MBTPS1: variants seen among roughly 807,000 people sequenced by gnomAD.
The protein encoded by MBTPS1 is membrane bound transcription factor peptidase, site 1, also known as membrane-bound transcription factor site-1 protease.
MBTPS1 carries 94 observed loss-of-function variants against 127.8 expected under a neutral mutation model. The observed-to-expected ratio is 0.74, with a 90% CI of 0.62 to 0.87. The LOEUF (loss-of-function observed/expected upper bound fraction) is 0.87, where lower values mean the gene tolerates loss of function less well. MBTPS1 is among the 40% of genes least tolerant of loss of function. MBTPS1 has a pLI of 0.00. For synonymous variants in MBTPS1, 632 were observed against 509.4 expected, an observed-to-expected ratio of 1.24 and a Z score of -3.24; for missense variants, 1,636 against 1,353.2, an observed-to-expected ratio of 1.21 and a Z score of -3.28.
chr16:84,062,236 T>A (rs566123629), intron 19 of MBTPS1, among the ~76,000 whole-genome samples: 1 of 152,246 alleles, frequency 6.6e-6, no homozygotes, highest in South Asian at 2.1e-4. Flanking sequence ...CTCTCCCACC[T>A]CAGCCTCCCA....
rs537680415 is a variant in MBTPS1 at position 84,097,157 on chromosome 16, G to A, written c.422-1352C>T. Among the ~76,000 whole-genome samples the A allele has an allele frequency of 9.2e-5, 14 of 152,272 alleles. No individual in the cohort carries two copies. The South Asian group carries it at 2.3e-3, about 25-fold the overall frequency. On this transcript the variant is annotated intron_variant, in intron 3 of 22. Coordinates refer to ENST00000343411, the MANE Select transcript of MBTPS1 (RefSeq NM_003791.4). ...CTACTGTCACGCAGAAAACAGATAG[G>A]CTTTGTCTTATGGCCCATGGGATAG...
rs1233895460 is a variant in MBTPS1 at position 84,093,697 on chromosome 16, C to A, written c.736+14G>T. ...CGATCACATGACCACGTTCTCACTG[C>A]TGCTGAGACCCACCATCGTCCAGCG... On this transcript the variant is annotated intron_variant, in intron 5 of 22. Coordinates refer to ENST00000343411, the MANE Select transcript of MBTPS1 (RefSeq NM_003791.4). 1.3e-6 allele frequency: 2 copies of A among 1,575,980 alleles called. No individual in the cohort carries two copies. The highest frequency in any genetic ancestry group is 2.7e-5 in the African/African-American group (2 of 74,192).
At chr16:84,073,159 G>A (rs1200605869) in intron 12 of MBTPS1, among the ~76,000 whole-genome samples, 1 of 152,156 alleles carries the variant, frequency 6.6e-6, no homozygotes, top group African/African-American at 2.4e-5. Context: ...TTTTGAGATG[G>A]AGTGTTGCTC....
intron 22 of MBTPS1, among the ~76,000 whole-genome samples, chr16:84,055,604 C>T (rs1188676292): frequency 6.6e-6 from 1 of 152,190 alleles, no homozygotes; most frequent in Non-Finnish European, 1.5e-5. Flanking sequence ...GCCTTCTGGG[C>T]TGAGGGCTGG....
Position 84,099,161 on chromosome 16 carries a change from G to GA in MBTPS1, c.312dup (p.Gln105SerfsTer14). 2 of 1,614,108 alleles carry GA rather than the reference G, an allele frequency of 1.2e-6. No individual in the cohort carries two copies. The highest frequency in any genetic ancestry group is 1.7e-6 in the Non-Finnish European group (2 of 1,180,024). The stretch of plus-strand genomic sequence containing the variant: ...CCCGCTTTCTGTTTTTCTTTTATCT[G>GA]AATCACCTCAAAATCACTAGGGTAG... On this transcript the variant is annotated frameshift_variant, in exon 3 of 23. Coordinates refer to ENST00000343411, the MANE Select transcript of MBTPS1 (RefSeq NM_003791.4). LOFTEE classifies it high-confidence loss of function.
rs769447040 is a variant in MBTPS1, at chr16:84,087,386, C to T, written c.1106G>A (p.Arg369His). 11 of 1,612,022 alleles carry T rather than the reference C, an allele frequency of 6.8e-6. No individual in the cohort carries two copies. Among genetic ancestry groups the T allele is most frequent in the African/African-American group, 4.0e-5 (3 of 74,294 alleles). The change falls in exon 9 of 23, where the codon CGC becomes CAC. Residue 369 changes from arginine to histidine, a missense_variant. Arg to His is a conservative substitution (Grantham distance 29, BLOSUM62 0). Transcript: ENST00000343411. ...GGTAGTCATTCCCCTTGAAGAAAAG[C>T]GGGCGATGTTATCTTCAAAGTCAAT... Reference protein sequence around the residue: ...GGIDFEDNIARFSSRGMTTWE... With the variant: ...GGIDFEDNIAHFSSRGMTTWE...
Position 84,053,786 on chromosome 16 carries a change from A to T in MBTPS1, c.*663T>A, listed in dbSNP as rs539231146. The stretch of plus-strand genomic sequence containing the variant: ...TCTTTAAGCTTCAGACGGGTAATAC[A>T]TATTTATTGAAAATTTTCTTCACCG... On this transcript the variant is annotated 3_prime_UTR_variant, in exon 23 of 23. Transcript: ENST00000343411. The T allele has an allele frequency of 2.6e-5, 4 of 152,206 alleles. No individual in the cohort carries two copies. The highest frequency in any genetic ancestry group is 5.9e-5 in the Non-Finnish European group (4 of 68,034). 9.4% of individuals were successfully genotyped at this position (152,206 alleles called of 1,614,324 possible). A position where few individuals can be genotyped will look rare whatever the true frequency, so the allele number is the denominator to read the frequency against.
At chr16:84,060,412 G>C in intron 20 of MBTPS1, 2 of 385,098 alleles carry the variant, frequency 5.2e-6, no homozygotes, top group Non-Finnish European at 9.7e-6. Flanking sequence ...GAGCGGGACG[G>C]TAAACACACT....
At chr16:84,068,725 T>C (rs2085727051) in intron 14 of MBTPS1, among the ~76,000 whole-genome samples, 1 of 152,242 alleles carries the variant, frequency 6.6e-6, no homozygotes, top group Non-Finnish European at 1.5e-5. Flanking sequence ...ATGTTTAATG[T>C]GTCCTGGACC....
chr16:84,054,718 T>G lies in MBTPS1; in HGVS notation c.2963-73A>C, dbSNP rs187476296. 8 of 1,203,584 alleles carry G rather than the reference T, an allele frequency of 6.6e-6. No individual in the cohort carries two copies. The East Asian group carries it at 2.1e-4, about 31-fold the overall frequency. The allele number at this position is 1,203,584 out of a possible 1,614,324, so 74.6% of individuals were successfully genotyped here. On this transcript the variant is annotated intron_variant, in intron 22 of 22. Transcript: ENST00000343411. ...CATGACGGCCTTTTTCTATGACGGC[T>G]GGATTCATCAGAAACTAAATGCGAG...
At chr16:84,055,402 G>A (rs1275362309) in intron 22 of MBTPS1, among the ~76,000 whole-genome samples, 2 of 152,218 alleles carry the variant, frequency 1.3e-5, no homozygotes, top group African/African-American at 2.4e-5. Flanking sequence ...GGACTCTAGA[G>A]CAAAAGAACT....
intron 1 of MBTPS1, among the ~76,000 whole-genome samples, chr16:84,103,113 A>G (rs2086279487): frequency 6.6e-6 from 1 of 152,224 alleles, no homozygotes; most frequent in Non-Finnish European, 1.5e-5. Flanking sequence ...GAGCGATAGT[A>G]AAGAACAATG....
intron 1 of MBTPS1, among the ~76,000 whole-genome samples, chr16:84,116,218 C>T (rs896625514): frequency 5.3e-5 from 8 of 152,166 alleles, no homozygotes; most frequent in Non-Finnish European, 1.0e-4. Context: ...ACTGACGATC[C>T]ACAACGGTCT....
intron 1 of MBTPS1, among the ~76,000 whole-genome samples, chr16:84,112,944 C>T (rs1036509101): frequency 7.3e-6 from 1 of 136,426 alleles, no homozygotes; most frequent in African/African-American, 2.8e-5. Flanking sequence ...CACTGCACTC[C>T]AGCCTGGGAG....
rs185552408 is a variant in MBTPS1 at position 84,075,035 on chromosome 16, A to C, written c.1449-294T>G. 39 of 211,236 alleles carry C rather than the reference A, an allele frequency of 1.8e-4. No homozygotes were observed. The East Asian group carries it at 3.8e-3, about 20-fold the overall frequency. 13.1% of individuals were successfully genotyped at this position (211,236 alleles called of 1,614,324 possible). On this transcript the variant is annotated intron_variant, in intron 11 of 22. Coordinates refer to ENST00000343411, the MANE Select transcript of MBTPS1 (RefSeq NM_003791.4). ...GAGAATGAGTACGTGACCAGCCCTA[A>C]TGGAAACTTGGACTTGAGTCTCTAG...
chr16:84,114,387 G>C (rs572532868), intron 1 of MBTPS1, among the ~76,000 whole-genome samples: 2 of 152,170 alleles, frequency 1.3e-5, no homozygotes, highest in African/African-American at 2.4e-5. Flanking sequence ...ACAGTCAAGA[G>C]TGAGAAACCT....
intron 16 of MBTPS1, 68 bp downstream of exon 16, chr16:84,067,599 A>T: frequency 8.1e-7 from 1 of 1,228,042 alleles, no homozygotes; most frequent in Non-Finnish European, 1.2e-6. Context: ...ATCATCACTT[A>T]AGTATTTGCT....
chr16:84,073,609 T>C (rs1314934063), intron 12 of MBTPS1, among the ~76,000 whole-genome samples: 1 of 152,270 alleles, frequency 6.6e-6, no homozygotes, highest in South Asian at 2.1e-4. Flanking sequence ...CTATGGTTTT[T>C]CCCTATTTTT....
chr16:84,067,079 T>C (rs532671673), intron 16 of MBTPS1, among the ~76,000 whole-genome samples: 1 of 152,168 alleles, frequency 6.6e-6, no homozygotes, highest in Non-Finnish European at 1.5e-5. Flanking sequence ...AAATTAATTA[T>C]TGTAAATATA....
Sources: gnomAD v4.1 joint callset for allele counts (sites outside exome capture counted in the v4.1 genomes callset) on GRCh38, gnomAD v4.1.1 for gene constraint, MANE v1.5 for transcripts, NCBI Gene and HGNC (gene_info 2026-07-23, HGNC 2026-07-21) for gene names.